PCDHGB1: variants seen among roughly 807,000 people sequenced by gnomAD.
PCDHGB1 encodes protocadherin gamma subfamily B, 1.
PCDHGB1 carries 34 observed loss-of-function variants against 56.6 expected under a neutral mutation model. The ratio of observed to expected loss-of-function variants is 0.60; its 90% CI spans 0.46 to 0.80. The LOEUF (loss-of-function observed/expected upper bound fraction) is 0.80, where lower values mean the gene tolerates loss of function less well. Among genes scored for constraint, PCDHGB1 ranks in the 30% least tolerant of loss-of-function variants. The pLI, the probability that PCDHGB1 is intolerant of heterozygous loss-of-function variation, is 0.00. For synonymous variants in PCDHGB1, 561 were observed against 505.9 expected, an observed-to-expected ratio of 1.11 and a Z score of -1.46; for missense variants, 1,278 against 1,204.6, an observed-to-expected ratio of 1.06 and a Z score of -0.90.
rs1024925039 is a variant in PCDHGB1 at position 141,352,581 on chromosome 5, A to G, written c.2321A>G (p.Gln774Arg). 2 of 1,613,834 alleles carry G rather than the reference A, an allele frequency of 1.2e-6. No homozygotes were observed. The highest frequency in any genetic ancestry group is 1.7e-6 in the Non-Finnish European group (2 of 1,179,884). The part of the protein sequence containing the change: ...LNLTPEMAPP[Q>R]DLLCDDPSMV... ...CTGACACCGGAAATGGCTCCCCCTC[A>G]GGATCTGCTGTGTGATGATCCTTCT... The change falls in exon 1 of 4, where the codon CAG becomes CGG. Residue 774 changes from glutamine (Q) to arginine (R), a missense_variant. By Grantham distance (43) the Gln-to-Arg change is conservative (BLOSUM62 1). Coordinates refer to ENST00000523390, the MANE Select transcript of PCDHGB1 (RefSeq NM_018922.3).
intron 1 of PCDHGB1, among the ~76,000 whole-genome samples, chr5:141,474,120 T>C (rs2099343213): frequency 6.6e-6 from 1 of 151,910 alleles, no homozygotes; most frequent in Non-Finnish European, 1.5e-5. Flanking sequence ...ACAACGAAAA[T>C]CTCAGAAAAC....
chr5:141,427,161 G>A (rs1561826750), intron 1 of PCDHGB1: 1 of 456,698 alleles, frequency 2.2e-6, no homozygotes, highest in Non-Finnish European at 4.4e-6. Flanking sequence ...GTTTGTGCTA[G>A]ACCATCAAAA....
chr5:141,437,945 C>A (rs1204633193), intron 1 of PCDHGB1, among the ~76,000 whole-genome samples: 1 of 152,112 alleles, frequency 6.6e-6, no homozygotes, highest in Non-Finnish European at 1.5e-5. Flanking sequence ...ACCATATTGG[C>A]CAGAATGGTC....
At chr5:141,371,865 A>C (rs1048560743) in intron 1 of PCDHGB1, 1 of 1,613,506 alleles carries the variant, frequency 6.2e-7, no homozygotes, top group Middle Eastern at 1.6e-4. Context: ...CTCCTACTAC[A>C]TCGTGGCCAG....
In PCDHGB1 at chr5:141,350,450, C is replaced by T. The variant is rs774172640; in HGVS notation, c.190C>T (p.Leu64=). The change falls in exon 1 of 4, where the codon CTG becomes TTG. Residue 64 remains leucine (L), a synonymous_variant. Coordinates refer to ENST00000523390, the MANE Select transcript of PCDHGB1 (RefSeq NM_018922.3). The part of the protein sequence containing the change: ...LSVRELPTRK[L]RVSAEDYFNV... ...TGTCCGGGAGTTGCCAACTCGAAAA[C>T]TGCGGGTTAGTGCAGAGGATTATTT... The T allele has an allele frequency of 8.7e-6, 14 of 1,611,902 alleles. No individual in the cohort carries two copies. The South Asian group carries it at 1.3e-4, about 15-fold the overall frequency.
intron 1 of PCDHGB1, among the ~76,000 whole-genome samples, chr5:141,451,391 T>C (rs928399948): frequency 6.6e-6 from 1 of 152,162 alleles, no homozygotes; most frequent in Non-Finnish European, 1.5e-5. Context: ...ACATAGTTAA[T>C]GGCAAAATTA....
intron 1 of PCDHGB1, among the ~76,000 whole-genome samples, chr5:141,430,398 C>T (rs2097281985): frequency 6.7e-6 from 1 of 150,224 alleles, no homozygotes. Flanking sequence ...AAAAAAAAAG[C>T]TCACTAAAGT....
At chr5:141,494,355 G>T (rs910437011) in intron 1 of PCDHGB1, among the ~76,000 whole-genome samples, 4 of 152,234 alleles carry the variant, frequency 2.6e-5, no homozygotes, top group African/African-American at 9.6e-5. Flanking sequence ...CCATCTTGCT[G>T]CAGAGGATGC....
chr5:141,356,951 C>G (rs754711250), intron 1 of PCDHGB1: 1 of 1,614,230 alleles, frequency 6.2e-7, no homozygotes, highest in Non-Finnish European at 8.5e-7. Context: ...TCCGCAGATT[C>G]CGGCTACCTG....
intron 1 of PCDHGB1, among the ~76,000 whole-genome samples, chr5:141,474,227 G>A (rs1394834744): frequency 6.6e-6 from 1 of 152,190 alleles, no homozygotes; most frequent in Non-Finnish European, 1.5e-5. Flanking sequence ...TGTGAATTAA[G>A]TGATGCTGAA....
chr5:141,372,395 C>G (rs1768730158), intron 1 of PCDHGB1: 1 of 1,613,942 alleles, frequency 6.2e-7, no homozygotes, highest in Admixed American at 1.7e-5. Context: ...TCGCAGATAG[C>G]TTGCAAGAGA....
At chr5:141,414,283 G>T in intron 1 of PCDHGB1, 1 of 1,613,520 alleles carries the variant, frequency 6.2e-7, no homozygotes, top group Non-Finnish European at 8.5e-7. Flanking sequence ...GGGAACAGTC[G>T]TAGCCCTTTT....
intron 1 of PCDHGB1, among the ~76,000 whole-genome samples, chr5:141,379,887 CTCTTTTTTTTTTT>C (rs1775930082): frequency 1.2e-5 from 1 of 84,268 alleles, no homozygotes; most frequent in African/African-American, 5.0e-5. Context: ...CTGTGAAAGC[CTCTTTTTTTTTTT>C]TTTTTTTTTT....
chr5:141,439,667 C>T (rs149776177), intron 1 of PCDHGB1, among the ~76,000 whole-genome samples: 2,012 of 152,292 alleles, frequency 0.013, 16 homozygotes, highest in Middle Eastern at 0.034. Context: ...TCATGGAATG[C>T]AAATCCAAGA....
At chr5:141,385,295 A>C (rs1422997974) in intron 1 of PCDHGB1, 1 of 1,613,146 alleles carries the variant, frequency 6.2e-7, no homozygotes, top group African/African-American at 1.3e-5. Context: ...GATTTTCAGG[A>C]ATGTAAAGAA....
intron 1 of PCDHGB1, chr5:141,361,978 G>A (rs768035104): frequency 6.9e-6 from 11 of 1,600,872 alleles, no homozygotes; most frequent in African/African-American, 6.7e-5. Context: ...CAGCGAGCCC[G>A]GGCTCTTCAG....
At chr5:141,419,552 C>T in intron 1 of PCDHGB1, 1 of 1,612,014 alleles carries the variant, frequency 6.2e-7, no homozygotes, top group Non-Finnish European at 8.5e-7. Flanking sequence ...GGTGCTGTAC[C>T]CTGCGCTGGG....
At chr5:141,481,999 C>T (rs958678555) in intron 1 of PCDHGB1, among the ~76,000 whole-genome samples, 7 of 149,942 alleles carry the variant, frequency 4.7e-5, no homozygotes, top group Admixed American at 2.0e-4. Flanking sequence ...GCAGGAGAAT[C>T]GCTTTATCTC....
In PCDHGB1 at chr5:141,490,211, ACCAGGGACAG is replaced by A. The variant is rs1259297201; in HGVS notation, c.2410-4593_2410-4584del. 1 of 1,614,212 alleles carries A rather than the reference ACCAGGGACAG, an allele frequency of 6.2e-7. No individual in the cohort carries two copies. ...TATGAAATTCATGCAAGAGCCCGTG[ACCAGGGACAG>A]CCTGCCATGGAGGGCCACTGTGTGA... is the stretch of plus-strand genomic sequence containing the variant. On this transcript the variant is annotated intron_variant, in intron 1 of 3. Transcript: ENST00000523390. The surrounding 1 kb of genome is among the most constrained non-coding windows in gnomAD (Gnocchi z 5.4).
Sources: allele counts gnomAD v4.1 joint callset (sites outside exome capture counted in the v4.1 genomes callset), GRCh38; gene constraint gnomAD v4.1.1; non-coding constraint Gnocchi (gnomAD v3.1); transcripts MANE v1.5; gene names NCBI Gene and HGNC (gene_info 2026-07-23, HGNC 2026-07-21).